CNTNAP4: variants seen among roughly 807,000 people sequenced by gnomAD.
CNTNAP4 encodes contactin associated protein family member 4, also known as contactin-associated protein-like 4.
A neutral mutation model predicts 148.4 loss-of-function variants in CNTNAP4; 98 were observed. That is an observed-to-expected ratio of 0.66 (90% CI 0.56 to 0.78). The LOEUF is 0.78. Among genes scored for constraint, CNTNAP4 ranks in the 30% least tolerant of loss-of-function variants. The pLI is 0.00. For synonymous variants in CNTNAP4, 730 were observed against 565.1 expected (o/e 1.29, Z -4.14); for missense variants, 1,935 against 1,565.6 (o/e 1.24, Z -3.98).
chr16:76,458,000 A>G (rs1287710216), intron 8 of CNTNAP4, among the ~76,000 whole-genome samples: 1 of 152,014 alleles, frequency 6.6e-6, no homozygotes, highest in Non-Finnish European at 1.5e-5. Context: ...CTGTATGACC[A>G]TGTGTACCCA....
chr16:76,511,154 T>C (rs907405491), intron 15 of CNTNAP4, among the ~76,000 whole-genome samples: 19 of 152,230 alleles, frequency 1.2e-4, no homozygotes, highest in African/African-American at 9.6e-5. Flanking sequence ...TTTAACTCTT[T>C]GGCGTTTGAA....
chr16:76,511,838 GGAGA>G (rs61708542), intron 15 of CNTNAP4, among the ~76,000 whole-genome samples: 80 of 148,272 alleles, frequency 5.4e-4, no homozygotes, highest in African/African-American at 1.2e-3. Context: ...ATATTTTCTT[GGAGA>G]GAGAGAGAGA....
At position 76,452,576 on chromosome 16, in the gene CNTNAP4, T is replaced by C. The variant is rs759037703; in HGVS notation, c.1140T>C (p.Tyr380=). ...MPVTFLSSRS[Y]LALPDFSGEE... ...TGACTTTTCTGAGCTCCAGGAGTTA[T>C]TTAGCACTGCCAGACTTCTCTGGAG... The change falls in exon 8 of 24, where the codon TAT becomes TAC. Residue 380 remains tyrosine, a synonymous_variant. Transcript: ENST00000611870. 1.9e-6 allele frequency: 3 copies of C among 1,614,026 alleles called. No homozygotes were observed. Among genetic ancestry groups the C allele is most frequent in the Non-Finnish European group, 8.5e-7 (1 of 1,179,900 alleles).
rs28528121 is a variant in CNTNAP4, at chr16:76,295,867, G to A, written c.85+18120G>A. Among the ~76,000 whole-genome samples the A allele has an allele frequency of 6.1e-3, 929 of 152,198 alleles. 10 individuals carry two copies. The highest frequency in any genetic ancestry group is 0.021 in the African/African-American group (865 of 41,524). On this transcript the variant is annotated intron_variant, in intron 1 of 23. Transcript: ENST00000611870. The stretch of plus-strand genomic sequence containing the variant: ...GAGTCTTGCTCTTTCCCCCAGGCTG[G>A]AATGTAGTGGTGCAATCTCAGCTCA...
intron 1 of CNTNAP4, among the ~76,000 whole-genome samples, chr16:76,287,341 CA>C (rs1368521985): frequency 3.3e-5 from 5 of 152,240 alleles, no homozygotes; most frequent in Non-Finnish European, 7.4e-5. Context: ...AAATTGTGAT[CA>C]CCATAATTTG....
At chr16:76,368,254 C>G (rs1567879063) in intron 3 of CNTNAP4, among the ~76,000 whole-genome samples, 1 of 152,092 alleles carries the variant, frequency 6.6e-6, no homozygotes, top group Non-Finnish European at 1.5e-5. Flanking sequence ...CTCTATATTC[C>G]CAATAATAAT....
At chr16:76,526,138 G>A (rs1017546485) in intron 17 of CNTNAP4, among the ~76,000 whole-genome samples, 4 of 152,056 alleles carry the variant, frequency 2.6e-5, no homozygotes, top group Admixed American at 6.6e-5. Flanking sequence ...CCTCTCTAGC[G>A]ACATTAGCAG....
At chr16:76,376,606 T>C (rs935797364) in intron 3 of CNTNAP4, among the ~76,000 whole-genome samples, 4 of 152,220 alleles carry the variant, frequency 2.6e-5, no homozygotes, top group Admixed American at 2.6e-4. Context: ...GAGCCCAGCG[T>C]TGGCCAAAGG....
chr16:76,535,686 G>C lies in CNTNAP4; in HGVS notation c.2897G>C (p.Gly966Ala), dbSNP rs2084183849. 6.2e-7 allele frequency: 1 copy of C among 1,613,860 alleles called. No individual in the cohort carries two copies. Among genetic ancestry groups the C allele is most frequent in the African/African-American group, 1.3e-5 (1 of 74,912 alleles). ...TGTAGGGGACATTGCAGCAGCTATG[G>C]GAAGTTATGCCGCAATGGAGGGAAA... ...PGCRGHCSSY[G>A]KLCRNGGKCR... Residue 966 changes from glycine (G) to alanine (A), a missense_variant, in exon 18 of 24, where the codon GGG becomes GCG. Gly to Ala is a moderately conservative substitution (Grantham distance 60). Coordinates refer to ENST00000611870, the MANE Select transcript of CNTNAP4 (RefSeq NM_033401.5).
At chr16:76,291,134 A>G (rs967157658) in intron 1 of CNTNAP4, among the ~76,000 whole-genome samples, 1 of 152,140 alleles carries the variant, frequency 6.6e-6, no homozygotes. Context: ...TTAATTGTGG[A>G]GTGGGGGGTA....
chr16:76,329,506 T>G (rs946889169), intron 2 of CNTNAP4, among the ~76,000 whole-genome samples: 1 of 152,232 alleles, frequency 6.6e-6, no homozygotes, highest in Non-Finnish European at 1.5e-5. Context: ...ACTCTATAGA[T>G]GTGGTTCCAT....
In CNTNAP4 at chr16:76,509,596, G is replaced by A; in HGVS notation, c.2365+10902G>A. 2.1e-5 allele frequency among the ~76,000 whole-genome samples: 2 copies of A among 97,334 alleles called. 1 individual carries two copies. The highest frequency in any genetic ancestry group is 1.1e-3 in the East Asian group (2 of 1,898). The allele number at this position is 97,334 out of a possible 152,430, so 63.9% of individuals were successfully genotyped here. A position where few individuals can be genotyped will look rare whatever the true frequency, so the allele number is the denominator to read the frequency against. On this transcript the variant is annotated intron_variant, in intron 15 of 23. Transcript: ENST00000611870. The stretch of plus-strand genomic sequence containing the variant: ...TATGCGCGTTTTAAAAGATTGTAGA[G>A]TCACTACATTTTATATTAAATGTAT...
intron 3 of CNTNAP4, among the ~76,000 whole-genome samples, chr16:76,424,228 C>T (rs2079296705): frequency 6.6e-6 from 1 of 152,112 alleles, no homozygotes; most frequent in Non-Finnish European, 1.5e-5. Flanking sequence ...CATCTTTTCT[C>T]CCAGTCCCTT....
At chr16:76,400,783 T>A (rs2078381951) in intron 3 of CNTNAP4, among the ~76,000 whole-genome samples, 1 of 152,220 alleles carries the variant, frequency 6.6e-6, no homozygotes, top group African/African-American at 2.4e-5. Flanking sequence ...CAGCACTATT[T>A]ATTGAATAAG....
intron 2 of CNTNAP4, among the ~76,000 whole-genome samples, chr16:76,348,898 T>A (rs1239306777): frequency 6.6e-6 from 1 of 151,984 alleles, no homozygotes; most frequent in Non-Finnish European, 1.5e-5. Context: ...GTTTTTTTTC[T>A]TTTAAAATGA....
At chr16:76,503,378 A>G (rs985173100) in intron 15 of CNTNAP4, among the ~76,000 whole-genome samples, 1 of 152,180 alleles carries the variant, frequency 6.6e-6, no homozygotes, top group Non-Finnish European at 1.5e-5. Flanking sequence ...AACTGCAATT[A>G]CTTTTGCACC....
chr16:76,510,843 C>A (rs561565173), intron 15 of CNTNAP4, among the ~76,000 whole-genome samples: 1 of 152,174 alleles, frequency 6.6e-6, no homozygotes, highest in Admixed American at 6.5e-5. Flanking sequence ...TCTCAGGAAT[C>A]TATGGACAGA....
At chr16:76,374,754 T>TTAG (rs1555536541) in intron 3 of CNTNAP4, among the ~76,000 whole-genome samples, 239 of 143,770 alleles carry the variant, frequency 1.7e-3, no homozygotes, top group African/African-American at 5.2e-3. Context: ...ATTATTATTA[T>TTAG]TATTATTATT....
Position 76,305,666 on chromosome 16 carries a change from C to A in CNTNAP4, c.86-10747C>A, listed in dbSNP as rs371774436. Among the ~76,000 whole-genome samples the A allele has an allele frequency of 2.0e-5, 3 of 152,092 alleles. No homozygotes were observed. In the South Asian group the frequency reaches 6.2e-4, roughly 32 times the overall value. ...TCCAGAGCCTGGCAGTCTGGCAAGACCCATCATTCGTTTTTGTTGTTGTTT... is the reference window on the plus strand; with the variant it reads ...TCCAGAGCCTGGCAGTCTGGCAAGAACCATCATTCGTTTTTGTTGTTGTTT... On this transcript the variant is annotated intron_variant, in intron 1 of 23. Transcript: ENST00000611870.
Sources: allele counts gnomAD v4.1 joint callset (sites outside exome capture counted in the v4.1 genomes callset), GRCh38; gene constraint gnomAD v4.1.1; transcripts MANE v1.5; gene names NCBI Gene and HGNC (gene_info 2026-07-23, HGNC 2026-07-21).